The following FILIP1L variants were observed in gnomAD, a reference collection of about 807,000 sequenced individuals.
The protein encoded by FILIP1L is filamin A interacting protein 1 like, also known as filamin A-interacting protein 1-like.
FILIP1L carries 55 observed loss-of-function variants against 96.6 expected under a neutral mutation model. That is an observed-to-expected ratio of 0.57 (90% CI 0.46 to 0.71). FILIP1L has a LOEUF of 0.71. Among genes scored for constraint, FILIP1L ranks in the 30% least tolerant of loss-of-function variants. FILIP1L has a pLI of 0.00. For synonymous variants in FILIP1L, 467 were observed against 473.9 expected (o/e 0.99, Z 0.19); for missense variants, 1,304 against 1,321.2 (o/e 0.99, Z 0.20).
chr3:100,006,671 T>A (rs1445437085), intron 1 of FILIP1L, among the ~76,000 whole-genome samples: 5 of 149,272 alleles, frequency 3.3e-5, no homozygotes, highest in African/African-American at 4.9e-5. Flanking sequence ...AAAAAAAAAA[T>A]TCCAGCTTGG....
intron 4 of FILIP1L, among the ~76,000 whole-genome samples, chr3:99,899,555 T>G (rs1706368658): frequency 6.6e-6 from 1 of 152,242 alleles, no homozygotes; most frequent in Admixed American, 6.5e-5. Flanking sequence ...TGATTGCTGT[T>G]GTTGCTTTTT....
chr3:99,896,536 C>G (rs571505751), intron 4 of FILIP1L, among the ~76,000 whole-genome samples: 2 of 151,962 alleles, frequency 1.3e-5, no homozygotes, highest in Non-Finnish European at 2.9e-5. Context: ...CAAAAGAGAA[C>G]GTAGTCAGGA....
rs1306689666 is a variant in FILIP1L, at chr3:99,958,224, T to TATTATG, written c.-10-27195_-10-27194insCATAAT. Reference sequence around the variant, plus strand: ...CATGCATTATTATTATTATTATTATTATTATTATTATTATTATTATTATTA... The same window carrying TATTATG: ...CATGCATTATTATTATTATTATTATTATTATGATTATTATTATTATTATTATTATTA... On this transcript the variant is annotated intron_variant, in intron 1 of 5. Coordinates refer to ENST00000477258, the MANE Select transcript of FILIP1L (RefSeq NM_001387850.1). 2.0e-3 allele frequency among the ~76,000 whole-genome samples: 290 copies of TATTATG among 146,538 alleles called. 8 individuals are homozygous for TATTATG. The highest frequency in any genetic ancestry group is 2.9e-4 in the Non-Finnish European group (19 of 66,664).
intron 1 of FILIP1L, among the ~76,000 whole-genome samples, chr3:99,970,712 G>A (rs1156801672): frequency 5.3e-5 from 8 of 152,202 alleles, no homozygotes; most frequent in African/African-American, 1.7e-4. Flanking sequence ...AACTGGGCTG[G>A]GAGAGAGGTA....
chr3:100,110,315 TATC>T (rs1242698166), intron 1 of FILIP1L, among the ~76,000 whole-genome samples: 1 of 152,046 alleles, frequency 6.6e-6, no homozygotes, highest in Non-Finnish European at 1.5e-5. Flanking sequence ...GTCAGTTTAA[TATC>T]ATGGCTCAGA....
chr3:100,083,000 G>A (rs1414410005), intron 1 of FILIP1L, among the ~76,000 whole-genome samples: 2 of 152,106 alleles, frequency 1.3e-5, no homozygotes, highest in African/African-American at 4.8e-5. Flanking sequence ...AAAAATTCAA[G>A]TTTAGTCTAG....
chr3:99,852,547 G>C (rs948942565), intron 4 of FILIP1L, among the ~76,000 whole-genome samples: 3 of 152,116 alleles, frequency 2.0e-5, no homozygotes, highest in Admixed American at 6.5e-5. Context: ...CCTGGTTCAA[G>C]CAATTCTCCT....
chr3:100,043,746 A>AT (rs1255805927), intron 1 of FILIP1L, among the ~76,000 whole-genome samples: 1 of 152,252 alleles, frequency 6.6e-6, no homozygotes. Flanking sequence ...TGTATACATT[A>AT]TAGAAAGAAT....
At chr3:99,947,029 C>T (rs1472766890) in intron 1 of FILIP1L, among the ~76,000 whole-genome samples, 4 of 147,936 alleles carry the variant, frequency 2.7e-5, no homozygotes, top group African/African-American at 1.0e-4. Flanking sequence ...CCCAGATACT[C>T]GGGAGGCTGA....
At chr3:99,958,483 G>A (rs1708402587) in intron 1 of FILIP1L, among the ~76,000 whole-genome samples, 1 of 152,072 alleles carries the variant, frequency 6.6e-6, no homozygotes, top group Non-Finnish European at 1.5e-5. Context: ...CAAGGACCAT[G>A]CAAAGAAAGG....
At chr3:99,854,501 G>A (rs1019661513) in intron 4 of FILIP1L, among the ~76,000 whole-genome samples, 1 of 152,056 alleles carries the variant, frequency 6.6e-6, no homozygotes, top group Admixed American at 6.6e-5. Flanking sequence ...TCCATTAATA[G>A]TTCCAGTTTA....
intron 5 of FILIP1L, 91 bp downstream of exon 5, chr3:99,848,204 G>T: frequency 6.4e-7 from 1 of 1,568,196 alleles, no homozygotes; most frequent in South Asian, 1.2e-5. Flanking sequence ...GGGGGATATG[G>T]AGGGATGATT....
At chr3:99,995,515 C>T (rs1357365300) in intron 1 of FILIP1L, among the ~76,000 whole-genome samples, 2 of 152,180 alleles carry the variant, frequency 1.3e-5, no homozygotes, top group Admixed American at 6.5e-5. Flanking sequence ...GATGGTGGCC[C>T]TCTTCTCACA....
At chr3:99,946,878 C>CT (rs1296819389) in intron 1 of FILIP1L, among the ~76,000 whole-genome samples, 1 of 152,028 alleles carries the variant, frequency 6.6e-6, no homozygotes, top group Admixed American at 6.6e-5. Flanking sequence ...AGGATACAGT[C>CT]ATTTGTTGCA....
At chr3:99,941,141 G>A (rs1285551043) in intron 1 of FILIP1L, among the ~76,000 whole-genome samples, 2 of 151,968 alleles carry the variant, frequency 1.3e-5, no homozygotes, top group Non-Finnish European at 2.9e-5. Context: ...CTTTTCTAAA[G>A]CTTCTGTTTT....
chr3:100,007,694 A>G (rs1032938890), intron 1 of FILIP1L, among the ~76,000 whole-genome samples: 3 of 152,214 alleles, frequency 2.0e-5, no homozygotes, highest in South Asian at 2.1e-4. Context: ...TGTGTCACTG[A>G]TGGAAGCTAC....
chr3:99,894,822 G>A (rs1043662158), intron 4 of FILIP1L, among the ~76,000 whole-genome samples: 2 of 152,188 alleles, frequency 1.3e-5, no homozygotes, highest in African/African-American at 2.4e-5. Flanking sequence ...AGGTTTATAT[G>A]TACTCCTATT....
At chr3:99,924,685 A>G (rs1015246427) in intron 3 of FILIP1L, among the ~76,000 whole-genome samples, 2 of 151,326 alleles carry the variant, frequency 1.3e-5, no homozygotes, top group African/African-American at 4.9e-5. Flanking sequence ...TGCCCAACTA[A>G]TTTTTTTTGT....
At chr3:99,893,970 A>G (rs937442081) in intron 4 of FILIP1L, among the ~76,000 whole-genome samples, 2 of 152,186 alleles carry the variant, frequency 1.3e-5, no homozygotes, top group Non-Finnish European at 2.9e-5. Flanking sequence ...GATATTCAGT[A>G]TTCATTTATT....
Sources: gnomAD v4.1 joint callset for allele counts (sites outside exome capture counted in the v4.1 genomes callset) on GRCh38, gnomAD v4.1.1 for gene constraint, MANE v1.5 for transcripts, NCBI Gene and HGNC (gene_info 2026-07-23, HGNC 2026-07-21) for gene names.